MAP2K4: variants seen among roughly 807,000 people sequenced by gnomAD.
MAP2K4 encodes the protein dual specificity mitogen-activated protein kinase kinase 4.
Under a neutral mutation model 48.5 loss-of-function variants are expected in MAP2K4, and 4 were observed. The ratio of observed to expected loss-of-function variants is 0.08; its 90% CI spans 0.04 to 0.19. The LOEUF (loss-of-function observed/expected upper bound fraction) is 0.19, where lower values mean the gene tolerates loss of function less well. Ranked by LOEUF, MAP2K4 falls within the 10% of genes least tolerant of loss-of-function variation. The pLI, the probability that MAP2K4 is intolerant of heterozygous loss-of-function variation, is 1.00. For synonymous variants in MAP2K4, 166 were observed against 173.1 expected (o/e 0.96, Z 0.32); for missense variants, 258 against 493.3 (o/e 0.52, Z 4.52).
intron 9 of MAP2K4, among the ~76,000 whole-genome samples, chr17:12,138,817 C>T (rs1220059372): frequency 6.6e-6 from 1 of 152,144 alleles, no homozygotes; most frequent in Admixed American, 6.5e-5. Context: ...CATTGAAGGC[C>T]TCAGCCAACT....
chr17:12,102,880 C>A (rs1971979314), intron 4 of MAP2K4, among the ~76,000 whole-genome samples: 1 of 151,722 alleles, frequency 6.6e-6, no homozygotes, highest in South Asian at 2.1e-4. Context: ...CTTCTGTCTT[C>A]CCTGTCTCCC....
rs746649208 is a variant in MAP2K4, at chr17:12,088,594, ATATAT to A, written c.394-6975_394-6971del. On this transcript the variant is annotated intron_variant, in intron 3 of 10. Coordinates refer to ENST00000353533, the MANE Select transcript of MAP2K4 (RefSeq NM_003010.4). The stretch of plus-strand genomic sequence containing the variant: ...ATATATAATATATAATATATATTAA[ATATAT>A]TATATATAATATGTAAAAGATTAAG... 2.2e-3 allele frequency among the ~76,000 whole-genome samples: 301 copies of A among 134,988 alleles called. 1 individual carries two copies. The highest frequency in any genetic ancestry group is 7.1e-3 in the African/African-American group (270 of 38,080). The allele number at this position is 134,988 out of a possible 152,430, so 88.6% of individuals were successfully genotyped here. A position where few individuals can be genotyped will look rare whatever the true frequency, so the allele number is the denominator to read the frequency against.
intron 1 of MAP2K4, among the ~76,000 whole-genome samples, chr17:12,028,644 T>C (rs1020165111): frequency 1.3e-5 from 2 of 152,198 alleles, no homozygotes; most frequent in Non-Finnish European, 2.9e-5. Flanking sequence ...CACGGTCTTA[T>C]GGGCATGACC....
At chr17:12,026,420 C>G (rs777076969) in intron 1 of MAP2K4, among the ~76,000 whole-genome samples, 1 of 152,034 alleles carries the variant, frequency 6.6e-6, no homozygotes, top group Admixed American at 6.6e-5. Flanking sequence ...GCAGATGGCT[C>G]CAATGATACA....
chr17:12,129,095 A>G (rs1014700522), intron 8 of MAP2K4, 44 bp from the exon 9 acceptor site: 2 of 1,602,744 alleles, frequency 1.2e-6, no homozygotes, highest in East Asian at 2.2e-5. Context: ...GGAGTAGTAA[A>G]TGATGCCTGG....
chr17:12,067,190 C>T (rs1031356411), intron 2 of MAP2K4, among the ~76,000 whole-genome samples: 1 of 152,120 alleles, frequency 6.6e-6, no homozygotes, highest in East Asian at 1.9e-4. Flanking sequence ...TAACTAGTTC[C>T]TTATTGGTAG....
intron 4 of MAP2K4, among the ~76,000 whole-genome samples, chr17:12,100,312 G>A (rs754397105): frequency 1.3e-5 from 2 of 151,968 alleles, no homozygotes; most frequent in South Asian, 2.1e-4. Context: ...TTATGTAAAC[G>A]GAATCTTACA....
At chr17:12,128,114 G>A (rs1394957848) in intron 8 of MAP2K4, among the ~76,000 whole-genome samples, 2 of 152,186 alleles carry the variant, frequency 1.3e-5, no homozygotes, top group African/African-American at 4.8e-5. Flanking sequence ...GTCTCTCTCT[G>A]TCCCCCAGGC....
Position 12,081,770 on chromosome 17 carries a change from A to G in MAP2K4, c.393+240A>G, listed in dbSNP as rs1971194236. Reference sequence around the variant, plus strand: ...GTTGATTGCATTTTTGGCATGATGCATTAACATGTTTTAAACTTCAGGCCC... The same window carrying G: ...GTTGATTGCATTTTTGGCATGATGCGTTAACATGTTTTAAACTTCAGGCCC... On this transcript the variant is annotated intron_variant, in intron 3 of 10. Transcript: ENST00000353533. The surrounding 1 kb of genome is among the most constrained non-coding windows in gnomAD (Gnocchi z 4.2). 6 of 543,888 alleles carry G rather than the reference A, an allele frequency of 1.1e-5. No individual in the cohort carries two copies. The highest frequency in any genetic ancestry group is 5.9e-5 in the South Asian group (3 of 50,826). 33.7% of individuals were successfully genotyped at this position (543,888 alleles called of 1,614,324 possible).
intron 7 of MAP2K4, chr17:12,124,926 C>A (rs574040372): frequency 9.0e-5 from 18 of 199,820 alleles, no homozygotes; most frequent in African/African-American, 4.1e-4. Flanking sequence ...CCACCCGCTT[C>A]GGCCTCCCAA....
intron 4 of MAP2K4, among the ~76,000 whole-genome samples, chr17:12,098,139 TA>T (rs1379636493): frequency 1.3e-5 from 2 of 152,162 alleles, no homozygotes; most frequent in Non-Finnish European, 2.9e-5. Context: ...TAGTCACCTT[TA>T]AAGAGTGAAT....
intron 1 of MAP2K4, among the ~76,000 whole-genome samples, chr17:12,025,782 A>T (rs983496530): frequency 3.7e-4 from 56 of 152,368 alleles, no homozygotes; most frequent in African/African-American, 1.3e-3. Flanking sequence ...CAAGAGATTT[A>T]AAATCAATGT....
At chr17:12,088,477 ATAT>A (rs894903236) in intron 3 of MAP2K4, among the ~76,000 whole-genome samples, 1 of 68,560 alleles carries the variant, frequency 1.5e-5, no homozygotes, top group African/African-American at 4.5e-5. Context: ...ATTAAATATA[ATAT>A]TAAATATACA....
At chr17:12,088,529 AATAT>A (rs1388938238) in intron 3 of MAP2K4, among the ~76,000 whole-genome samples, 1 of 90,550 alleles carries the variant, frequency 1.1e-5, no homozygotes, top group South Asian at 3.4e-4. Context: ...TGTAATATAT[AATAT>A]ATATTAAATT....
At chr17:12,085,456 AG>A (rs1971330509) in intron 3 of MAP2K4, among the ~76,000 whole-genome samples, 1 of 151,712 alleles carries the variant, frequency 6.6e-6, no homozygotes, top group Non-Finnish European at 1.5e-5. Context: ...CTGTTGTTTG[AG>A]GGTAGGTGCA....
chr17:12,114,386 CGGTGTGTGTGTGTG>C (rs1465634525), intron 7 of MAP2K4, among the ~76,000 whole-genome samples: 2 of 69,052 alleles, frequency 2.9e-5, no homozygotes, highest in Admixed American at 2.1e-4. Flanking sequence ...CATGTAAAAG[CGGTGTGTGTGTGTG>C]TGTGTGTGTG....
intron 1 of MAP2K4, among the ~76,000 whole-genome samples, chr17:12,050,189 C>T (rs961497002): frequency 4.0e-5 from 6 of 151,882 alleles, no homozygotes; most frequent in Admixed American, 3.9e-4. Flanking sequence ...TATAATGAAA[C>T]GAAACAAGCC....
At chr17:12,064,473 C>T (rs1396911767) in intron 2 of MAP2K4, among the ~76,000 whole-genome samples, 1 of 152,112 alleles carries the variant, frequency 6.6e-6, no homozygotes, top group Non-Finnish European at 1.5e-5. Context: ...TGAGAAACAG[C>T]CATAAGAACA....
At chr17:12,092,396 G>A (rs1597458948) in intron 3 of MAP2K4, among the ~76,000 whole-genome samples, 1 of 152,152 alleles carries the variant, frequency 6.6e-6, no homozygotes, top group Admixed American at 6.5e-5. Flanking sequence ...CAATTTTTAG[G>A]TAGTTATGCT....
Sources: gnomAD v4.1 joint callset for allele counts (sites outside exome capture counted in the v4.1 genomes callset) on GRCh38, gnomAD v4.1.1 for gene constraint, Gnocchi (gnomAD v3.1) non-coding constraint, MANE v1.5 for transcripts, NCBI Gene and HGNC (gene_info 2026-07-23, HGNC 2026-07-21) for gene names.